Variants in DHX29 observed in about 807,000 individuals in gnomAD.
DHX29 encodes the protein ATP-dependent RNA helicase DHX29.
DHX29 carries 79 observed loss-of-function variants against 167.9 expected under a neutral mutation model. The observed-to-expected ratio is 0.47, with a 90% CI of 0.39 to 0.57. The LOEUF is 0.57. Among genes scored for constraint, DHX29 ranks in the 20% least tolerant of loss-of-function variants. The pLI is 0.00. For synonymous variants in DHX29, 530 were observed against 546.0 expected (o/e 0.97, Z 0.41); for missense variants, 1,347 against 1,593.4 (o/e 0.85, Z 2.63).
intron 1 of DHX29, among the ~76,000 whole-genome samples, chr5:55,299,627 GTC>G (rs1748502497): frequency 6.6e-6 from 1 of 152,122 alleles, no homozygotes; most frequent in Non-Finnish European, 1.5e-5. Flanking sequence ...CATAACACCA[GTC>G]TCTGCCTCCT....
intron 21 of DHX29, among the ~76,000 whole-genome samples, chr5:55,268,821 A>G (rs1481509010): frequency 6.6e-6 from 1 of 152,176 alleles, no homozygotes; most frequent in Admixed American, 6.5e-5. Flanking sequence ...CAAAAAAGGA[A>G]AGAAAAAAAG....
At chr5:55,299,814 G>A (rs57097699) in intron 1 of DHX29, among the ~76,000 whole-genome samples, 19,354 of 152,068 alleles carry the variant, frequency 0.13, 1,440 homozygotes, top group East Asian at 0.26. Flanking sequence ...AGGTGGACAT[G>A]AATATTTGGG....
At chr5:55,267,641 C>T (rs772960911) in intron 22 of DHX29, 45 bp downstream of exon 22, 20 of 1,535,004 alleles carry the variant, frequency 1.3e-5, no homozygotes, top group Non-Finnish European at 1.7e-5. Flanking sequence ...AAGTAAATAA[C>T]CTCAGGTAAT....
intron 8 of DHX29, 48 bp downstream of exon 8, chr5:55,289,222 A>T (rs756390151): frequency 8.8e-6 from 13 of 1,477,884 alleles, no homozygotes; most frequent in Non-Finnish European, 1.2e-5. Flanking sequence ...ATTTCTTGAC[A>T]TTTTATTATT....
At chr5:55,286,123 G>A (rs926066549) in intron 8 of DHX29, among the ~76,000 whole-genome samples, 4 of 151,816 alleles carry the variant, frequency 2.6e-5, no homozygotes, top group Non-Finnish European at 5.9e-5. Context: ...GCGTGGTGGC[G>A]GGCGCCTGTA....
intron 20 of DHX29, among the ~76,000 whole-genome samples, chr5:55,270,091 T>C (rs1285764986): frequency 6.6e-6 from 1 of 152,056 alleles, no homozygotes. Context: ...ACCTACTAGA[T>C]ACCATTTACC....
rs1203448782 is a variant in DHX29, at chr5:55,267,186, T to C, written c.3477A>G (p.Thr1159=). ...RQEGGYRSEI[T]YCRRNFLNRT... ...TATTAAGAAAGTTCCTCCGGCAGTA[T>C]GTGATTTCAGAACGATAACCTCCTT... is the stretch of plus-strand genomic sequence containing the variant. The change falls in exon 23 of 27, where the codon ACA becomes ACG. Residue 1159 remains threonine, a synonymous_variant. Transcript: ENST00000251636. 1.1e-5 allele frequency: 17 copies of C among 1,613,172 alleles called. No homozygotes were observed. Among genetic ancestry groups the C allele is most frequent in the Non-Finnish European group, 1.4e-5 (17 of 1,179,570 alleles).
At chr5:55,256,845 A>G (rs1430085833) in intron 26 of DHX29, among the ~76,000 whole-genome samples, 1 of 152,216 alleles carries the variant, frequency 6.6e-6, no homozygotes, top group Non-Finnish European at 1.5e-5. Context: ...AGGAATTATA[A>G]ATTTTATTCT....
intron 12 of DHX29, chr5:55,279,738 GTTT>G: frequency 1.8e-5 from 2 of 110,620 alleles, no homozygotes; most frequent in Non-Finnish European, 3.6e-5. Flanking sequence ...TGCTGTTTTT[GTTT>G]TTTTTTTTTG....
intron 10 of DHX29, among the ~76,000 whole-genome samples, chr5:55,284,728 T>G (rs1747624053): frequency 6.6e-6 from 1 of 152,248 alleles, no homozygotes; most frequent in Admixed American, 6.5e-5. Context: ...GGAAGTGTAT[T>G]GTTAATATAA....
At chr5:55,261,704 G>A (rs554178077) in intron 24 of DHX29, among the ~76,000 whole-genome samples, 1 of 152,114 alleles carries the variant, frequency 6.6e-6, no homozygotes, top group South Asian at 2.1e-4. Flanking sequence ...TTAATGCTAT[G>A]AAAAGGCATT....
chr5:55,294,741 T>G (rs1053642463), intron 5 of DHX29: 2 of 152,478 alleles, frequency 1.3e-5, no homozygotes, highest in African/African-American at 4.8e-5. Flanking sequence ...TGAGGATTAT[T>G]TTTTCGTAGA....
chr5:55,287,243 C>T (rs920542875), intron 8 of DHX29, among the ~76,000 whole-genome samples: 4 of 152,160 alleles, frequency 2.6e-5, no homozygotes, highest in Non-Finnish European at 5.9e-5. Flanking sequence ...GAGTTCAAGA[C>T]CAGCCTGGCC....
intron 10 of DHX29, among the ~76,000 whole-genome samples, chr5:55,284,790 G>A (rs879886316): frequency 2.0e-5 from 3 of 152,250 alleles, no homozygotes; most frequent in South Asian, 2.1e-4. Context: ...TAAGTTGAGC[G>A]AGACAATATA....
At chr5:55,274,238 ATT>A (rs1038305727) in intron 16 of DHX29, among the ~76,000 whole-genome samples, 11 of 151,836 alleles carry the variant, frequency 7.2e-5, no homozygotes, top group African/African-American at 2.7e-4. Flanking sequence ...TATGAAAAAA[ATT>A]TTTTAAATTA....
chr5:55,263,056 C>T (rs542389047), intron 23 of DHX29, 124 bp from the exon 24 acceptor site: 146 of 709,612 alleles, frequency 2.1e-4, no homozygotes, highest in Non-Finnish European at 3.0e-4. Flanking sequence ...ATTTGGCTAA[C>T]GATAGCCCAA....
Position 55,262,872 on chromosome 5 carries a change from A to G in DHX29, c.3586T>C (p.Ser1196Pro), listed in dbSNP as rs370110659. ...KAAGFSSSTT[S>P]TSWEGNRASQ... is the part of the protein sequence containing the mutation. Reference sequence around the variant, plus strand: ...GCTCTGTTTCCTTCCCAGCTGGTAGAAGTTGTGGAAGATGAAAATCCTGCT... The same window carrying G: ...GCTCTGTTTCCTTCCCAGCTGGTAGGAGTTGTGGAAGATGAAAATCCTGCT... The change falls in exon 24 of 27, where the codon TCT becomes CCT. Residue 1196 changes from serine to proline, a missense_variant. This residue lies in a region of DHX29 where 882 missense variants were observed against 1,082.4 expected (regional missense o/e 0.81). Coordinates refer to ENST00000251636, the MANE Select transcript of DHX29 (RefSeq NM_019030.4). 1.2e-5 allele frequency: 19 copies of G among 1,614,050 alleles called. No individual in the cohort carries two copies. Among genetic ancestry groups the G allele is most frequent in the South Asian group, 3.3e-5 (3 of 91,068 alleles).
At chr5:55,257,997 G>A (rs1184277656) in intron 26 of DHX29, among the ~76,000 whole-genome samples, 4 of 152,176 alleles carry the variant, frequency 2.6e-5, no homozygotes. Flanking sequence ...TAATGCTTAT[G>A]CATTCATATT....
At position 55,307,684 on chromosome 5, in the gene DHX29, C is replaced by A; in HGVS notation, c.-111G>T. ...CGGGGCTGCCACCCTGCGCTTCGATCCGGGCTTCTCGGGCCGGGGCGACCG... is the reference window on the plus strand; with the variant it reads ...CGGGGCTGCCACCCTGCGCTTCGATACGGGCTTCTCGGGCCGGGGCGACCG... On this transcript the variant is annotated 5_prime_UTR_variant, in exon 1 of 27. Coordinates refer to ENST00000251636, the MANE Select transcript of DHX29 (RefSeq NM_019030.4). 2.1e-6 allele frequency: 3 copies of A among 1,413,282 alleles called. No individual in the cohort carries two copies. In the South Asian group the frequency reaches 3.7e-5, roughly 18 times the overall value. 87.5% of individuals were successfully genotyped at this position (1,413,282 alleles called of 1,614,324 possible).
Sources: gnomAD v4.1 joint callset for allele counts (sites outside exome capture counted in the v4.1 genomes callset) on GRCh38, gnomAD v4.1.1 for gene constraint, gnomAD v4.1.1 regional missense constraint, MANE v1.5 for transcripts, NCBI Gene and HGNC (gene_info 2026-07-23, HGNC 2026-07-21) for gene names.